The following NOX4 variants were observed in gnomAD, a reference collection of about 807,000 sequenced individuals.
NOX4 encodes the protein NADPH oxidase 4.
In NOX4, 69 loss-of-function variants were observed where a neutral mutation model predicts 87.6. That is an observed-to-expected ratio of 0.79 (90% confidence interval 0.65 to 0.96). The LOEUF (loss-of-function observed/expected upper bound fraction) is 0.96. Ranked by LOEUF, NOX4 falls within the 40% of genes least tolerant of loss-of-function variation. NOX4 has a pLI of 0.00. For synonymous variants in NOX4, 275 were observed against 238.2 expected, an observed-to-expected ratio of 1.15 and a Z score of -1.42; for missense variants, 680 against 681.5, an observed-to-expected ratio of 1.00 and a Z score of 0.02.
intron 11 of NOX4, among the ~76,000 whole-genome samples, chr11:89,396,611 G>C (rs1941504990): frequency 6.6e-6 from 1 of 152,060 alleles, no homozygotes; most frequent in African/African-American, 2.4e-5. Flanking sequence ...TCAAAATAAA[G>C]GGAGGGAGGA....
chr11:89,564,633 T>A, the NOX4 span, among the ~76,000 whole-genome samples: 1 of 152,176 alleles, frequency 6.6e-6, no homozygotes, highest in Non-Finnish European at 1.5e-5. Flanking sequence ...CTTGTTTGTT[T>A]GCAACACAGA....
chr11:89,452,107 C>T (rs918215001), intron 2 of NOX4, among the ~76,000 whole-genome samples: 7 of 152,154 alleles, frequency 4.6e-5, no homozygotes, highest in Non-Finnish European at 8.8e-5. Flanking sequence ...AAACTTAGTA[C>T]TCCTCTCATT....
At chr11:89,528,700 GC>G in the NOX4 span, among the ~76,000 whole-genome samples, 1 of 152,010 alleles carries the variant, frequency 6.6e-6, no homozygotes, top group African/African-American at 2.4e-5. Context: ...ATTTCCTGAG[GC>G]CTCACCAGCC....
At chr11:89,458,097 C>T (rs919865261) in intron 2 of NOX4, among the ~76,000 whole-genome samples, 2 of 152,022 alleles carry the variant, frequency 1.3e-5, no homozygotes, top group Non-Finnish European at 2.9e-5. Flanking sequence ...ACCCAAATAG[C>T]CAAAGCTATA....
In NOX4 at chr11:89,421,165, G is replaced by A. The variant is rs1434148188; in HGVS notation, c.629+737C>T. Reference sequence around the variant, plus strand: ...CCTGCCCTGTATCTTGCCAAACCAAGTAAAACTGCTGCCAGACTTATTATG... The same window carrying A: ...CCTGCCCTGTATCTTGCCAAACCAAATAAAACTGCTGCCAGACTTATTATG... On this transcript the variant is annotated intron_variant, in intron 8 of 17. Coordinates refer to ENST00000263317, the MANE Select transcript of NOX4 (RefSeq NM_016931.5). Among the ~76,000 whole-genome samples the A allele has an allele frequency of 2.0e-5, 3 of 152,166 alleles. No individual in the cohort carries two copies. In the East Asian group the frequency reaches 5.8e-4, roughly 29 times the overall value.
the NOX4 span, among the ~76,000 whole-genome samples, chr11:89,521,628 A>C: frequency 1.3e-5 from 2 of 151,968 alleles, 1 homozygote; most frequent in South Asian, 4.2e-4. Flanking sequence ...TGGAAAAAAA[A>C]AATATGATTA....
At chr11:89,566,035 CT>C in the NOX4 span, among the ~76,000 whole-genome samples, 7 of 133,292 alleles carry the variant, frequency 5.3e-5, no homozygotes, top group South Asian at 2.3e-4. Context: ...ATTACTAATT[CT>C]TTTTTTCTTT....
At chr11:89,476,649 T>G (rs922332426) in intron 2 of NOX4, among the ~76,000 whole-genome samples, 7 of 152,154 alleles carry the variant, frequency 4.6e-5, no homozygotes, top group Non-Finnish European at 1.0e-4. Flanking sequence ...CATATAATAA[T>G]TATATTACAA....
intron 4 of NOX4, among the ~76,000 whole-genome samples, chr11:89,444,524 T>TACAC (rs35340897): frequency 2.5e-4 from 36 of 144,958 alleles, no homozygotes; most frequent in African/African-American, 5.3e-4. Context: ...CTAACACACA[T>TACAC]ACACACACAC....
chr11:89,387,633 T>C (rs1480902573), intron 11 of NOX4, among the ~76,000 whole-genome samples: 2 of 152,148 alleles, frequency 1.3e-5, no homozygotes, highest in Non-Finnish European at 2.9e-5. Context: ...TTACTTCTAT[T>C]TAAAAGGCAG....
intron 12 of NOX4, among the ~76,000 whole-genome samples, chr11:89,359,960 A>AT (rs1168792874): frequency 2.0e-5 from 3 of 151,784 alleles, no homozygotes; most frequent in Non-Finnish European, 4.4e-5. Context: ...GCCAGTTTTA[A>AT]TTTTTTTTAA....
At chr11:89,555,035 G>C in the NOX4 span, among the ~76,000 whole-genome samples, 3 of 152,090 alleles carry the variant, frequency 2.0e-5, no homozygotes, top group African/African-American at 7.2e-5. Flanking sequence ...AATTAAAATG[G>C]CATGTACATG....
At chr11:89,538,385 ATCT>A in the NOX4 span, among the ~76,000 whole-genome samples, 1 of 152,306 alleles carries the variant, frequency 6.6e-6, no homozygotes, top group East Asian at 1.9e-4. Flanking sequence ...ATTTCTGACA[ATCT>A]TCTTTAAAAT....
the NOX4 span, among the ~76,000 whole-genome samples, chr11:89,511,792 T>A: frequency 3.3e-5 from 5 of 151,914 alleles, no homozygotes; most frequent in Admixed American, 3.3e-4. Context: ...CAAAGTAAAG[T>A]TTTCCAAAGA....
the NOX4 span, among the ~76,000 whole-genome samples, chr11:89,517,820 T>A: frequency 6.6e-6 from 1 of 152,024 alleles, no homozygotes; most frequent in Non-Finnish European, 1.5e-5. Context: ...TATGTTGATC[T>A]TGTGTACCAC....
chr11:89,561,819 T>A, the NOX4 span, among the ~76,000 whole-genome samples: 1 of 151,760 alleles, frequency 6.6e-6, no homozygotes, highest in Non-Finnish European at 1.5e-5. Context: ...ATAAATACTG[T>A]GGAAAAAAGG....
the NOX4 span, among the ~76,000 whole-genome samples, chr11:89,515,434 G>C: frequency 6.6e-6 from 1 of 150,996 alleles, no homozygotes; most frequent in South Asian, 2.1e-4. Context: ...TCTTATTGCA[G>C]TGTGTCTGTT....
At chr11:89,464,373 T>C (rs970456182) in intron 2 of NOX4, among the ~76,000 whole-genome samples, 1 of 152,162 alleles carries the variant, frequency 6.6e-6, no homozygotes, top group African/African-American at 2.4e-5. Context: ...AACTTTTTAC[T>C]AGGTTTTCAG....
At chr11:89,579,158 G>T in the NOX4 span, among the ~76,000 whole-genome samples, 3 of 152,146 alleles carry the variant, frequency 2.0e-5, no homozygotes, top group East Asian at 3.9e-4. Context: ...TGGAAGAAAG[G>T]GATGGAGGAG....
Sources: allele counts gnomAD v4.1 joint callset (sites outside exome capture counted in the v4.1 genomes callset), GRCh38; gene constraint gnomAD v4.1.1; transcripts MANE v1.5; gene names NCBI Gene and HGNC (gene_info 2026-07-23, HGNC 2026-07-21).